PPFIA2: variants seen among roughly 807,000 people sequenced by gnomAD.
The protein encoded by PPFIA2 is PPFI scaffold protein A2.
In PPFIA2, 46 loss-of-function variants were observed where a neutral mutation model predicts 175.5. The observed-to-expected ratio is 0.26, with a 90% CI of 0.21 to 0.34. The LOEUF (loss-of-function observed/expected upper bound fraction) is 0.34. Ranked by LOEUF, PPFIA2 falls within the 10% of genes least tolerant of loss-of-function variation. PPFIA2 has a pLI of 1.00. For synonymous variants in PPFIA2, 568 were observed against 511.4 expected (o/e 1.11, Z -1.49); for missense variants, 1,179 against 1,506.1 (o/e 0.78, Z 3.60).
chr12:81,605,129 T>C (rs148965719), intron 4 of PPFIA2, among the ~76,000 whole-genome samples: 1 of 151,886 alleles, frequency 6.6e-6, no homozygotes, highest in Non-Finnish European at 1.5e-5. Context: ...ATAATTTTGT[T>C]TTAAGAAATA....
chr12:81,440,073 G>A (rs1233726502), intron 6 of PPFIA2, 27 bp from the exon 7 acceptor site: 1 of 1,494,152 alleles, frequency 6.7e-7, no homozygotes, highest in Non-Finnish European at 9.2e-7. Context: ...AATATGTGCA[G>A]TAATGTACAT....
intron 4 of PPFIA2, among the ~76,000 whole-genome samples, chr12:81,510,162 C>T (rs1177994681): frequency 2.6e-5 from 4 of 151,888 alleles, no homozygotes; most frequent in African/African-American, 9.7e-5. Context: ...CAATATTTTC[C>T]AAGCAGCTAT....
chr12:81,449,234 G>A (rs1221483241), intron 5 of PPFIA2, among the ~76,000 whole-genome samples: 1 of 152,160 alleles, frequency 6.6e-6, no homozygotes, highest in Non-Finnish European at 1.5e-5. Flanking sequence ...TGGCTGAACG[G>A]CCCAGTGGCA....
At chr12:81,288,530 T>G (rs925526069) in intron 24 of PPFIA2, among the ~76,000 whole-genome samples, 1 of 151,716 alleles carries the variant, frequency 6.6e-6, no homozygotes, top group African/African-American at 2.4e-5. Context: ...TACAATGAAC[T>G]TAAGAAATAA....
In PPFIA2 at chr12:81,626,069, A is replaced by G. The variant is rs74721447; in HGVS notation, c.303+50722T>C. ...TTCAAAAGCAAAATATATAAAGCTC[A>G]TATTTGTTATTCCTTTTCTAAATTT... is the stretch of plus-strand genomic sequence containing the variant. On this transcript the variant is annotated intron_variant, in intron 4 of 32. Transcript: ENST00000549396. Among the ~76,000 whole-genome samples the G allele has an allele frequency of 2.8e-3, 419 of 151,828 alleles. 10 individuals carry two copies. The East Asian group carries it at 0.073, about 27-fold the overall frequency.
intron 4 of PPFIA2, among the ~76,000 whole-genome samples, chr12:81,491,467 C>T (rs1033600754): frequency 6.6e-6 from 1 of 151,740 alleles, no homozygotes; most frequent in Admixed American, 6.6e-5. Context: ...GAATGTGAAC[C>T]CTCAAAATTC....
intron 14 of PPFIA2, among the ~76,000 whole-genome samples, chr12:81,366,336 AATT>A (rs1197686469): frequency 6.6e-6 from 1 of 151,682 alleles, no homozygotes; most frequent in Admixed American, 6.6e-5. Context: ...CAACAGGAAT[AATT>A]GATTCCAGCC....
intron 4 of PPFIA2, among the ~76,000 whole-genome samples, chr12:81,519,192 A>C (rs1422312903): frequency 6.6e-6 from 1 of 152,224 alleles, no homozygotes; most frequent in Non-Finnish European, 1.5e-5. Context: ...TATATGAGAT[A>C]ACTAATTGAA....
At chr12:81,435,006 T>A (rs1412695869) in intron 7 of PPFIA2, among the ~76,000 whole-genome samples, 1 of 152,190 alleles carries the variant, frequency 6.6e-6, no homozygotes, top group Admixed American at 6.5e-5. Context: ...GATTATTCTA[T>A]GCAACTTCAT....
intron 5 of PPFIA2, among the ~76,000 whole-genome samples, chr12:81,455,966 A>G (rs1432017598): frequency 6.6e-6 from 1 of 152,188 alleles, no homozygotes; most frequent in Non-Finnish European, 1.5e-5. Flanking sequence ...TGAAGAAAAA[A>G]GGCTAGATGA....
At chr12:81,430,912 C>G (rs1191564432) in intron 7 of PPFIA2, 1 of 152,084 alleles carries the variant, frequency 6.6e-6, no homozygotes, top group African/African-American at 2.4e-5. Flanking sequence ...ACTTAATACG[C>G]CCATGCAAGT....
intron 4 of PPFIA2, among the ~76,000 whole-genome samples, chr12:81,590,790 C>A (rs955821350): frequency 6.6e-6 from 1 of 152,148 alleles, no homozygotes; most frequent in Non-Finnish European, 1.5e-5. Context: ...ACTGTAAGGC[C>A]TCCTCAGCCA....
chr12:81,738,542 A>G (rs1043485489), intron 3 of PPFIA2, among the ~76,000 whole-genome samples: 1 of 151,970 alleles, frequency 6.6e-6, no homozygotes, highest in Admixed American at 6.6e-5. Flanking sequence ...CAGGGAAAGT[A>G]TACATTAACA....
chr12:81,671,819 T>C (rs2071480142), intron 4 of PPFIA2, among the ~76,000 whole-genome samples: 1 of 151,944 alleles, frequency 6.6e-6, no homozygotes, highest in African/African-American at 2.4e-5. Flanking sequence ...GGTCCCCCCA[T>C]CACTTGGCGA....
At chr12:81,455,748 T>C (rs1316006640) in intron 5 of PPFIA2, among the ~76,000 whole-genome samples, 2 of 152,230 alleles carry the variant, frequency 1.3e-5, no homozygotes, top group African/African-American at 2.4e-5. Flanking sequence ...CTAGCTGTAG[T>C]AAGTCTTTGA....
intron 8 of PPFIA2, among the ~76,000 whole-genome samples, chr12:81,398,864 GA>G (rs2041644151): frequency 6.6e-6 from 1 of 151,972 alleles, no homozygotes; most frequent in African/African-American, 2.4e-5. Context: ...ACAATACTAA[GA>G]GTTAAAATAT....
At chr12:81,523,046 A>T (rs1425975201) in intron 4 of PPFIA2, among the ~76,000 whole-genome samples, 1 of 152,120 alleles carries the variant, frequency 6.6e-6, no homozygotes, top group East Asian at 1.9e-4. Context: ...ATTACATGAG[A>T]TTGTTTTTTT....
intron 22 of PPFIA2, among the ~76,000 whole-genome samples, chr12:81,317,952 C>A (rs777099647): frequency 5.3e-5 from 8 of 151,614 alleles, no homozygotes; most frequent in Non-Finnish European, 1.2e-4. Context: ...CAATATTAGA[C>A]ATAATTATGG....
intron 4 of PPFIA2, among the ~76,000 whole-genome samples, chr12:81,640,717 T>G (rs2064849013): frequency 6.6e-6 from 1 of 152,124 alleles, no homozygotes; most frequent in Non-Finnish European, 1.5e-5. Context: ...CAGGATACTA[T>G]TCACAATACT....
Sources: gnomAD v4.1 joint callset for allele counts (sites outside exome capture counted in the v4.1 genomes callset) on GRCh38, gnomAD v4.1.1 for gene constraint, MANE v1.5 for transcripts, NCBI Gene and HGNC (gene_info 2026-07-23, HGNC 2026-07-21) for gene names.